Variants in LOXHD1 observed in about 807,000 individuals in gnomAD.
LOXHD1 encodes lipoxygenase homology domain-containing protein 1.
In LOXHD1, 205 loss-of-function variants were observed where a neutral mutation model predicts 248.2. The ratio of observed to expected loss-of-function variants is 0.83; its 90% CI spans 0.74 to 0.93. The LOEUF (loss-of-function observed/expected upper bound fraction) is 0.93. Among genes scored for constraint, LOXHD1 ranks in the 40% least tolerant of loss-of-function variants. The pLI, the probability that LOXHD1 is intolerant of heterozygous loss-of-function variation, is 0.00. For synonymous variants in LOXHD1, 1,113 were observed against 1,162.8 expected (o/e 0.96, Z 0.87); for missense variants, 2,930 against 2,971.6 (o/e 0.99, Z 0.33).
chr18:46,603,261 G>C (rs779036838), intron 7 of LOXHD1, among the ~76,000 whole-genome samples: 4 of 152,102 alleles, frequency 2.6e-5, no homozygotes, highest in Admixed American at 6.5e-5. Context: ...AGGATAGAGA[G>C]AGAGAAAGAG....
At chr18:46,650,742 G>A (rs1481992842) in intron 1 of LOXHD1, among the ~76,000 whole-genome samples, 4 of 152,224 alleles carry the variant, frequency 2.6e-5, no homozygotes, top group African/African-American at 9.7e-5. Flanking sequence ...AACGTGGAGT[G>A]TTGTGTGCTA....
intron 2 of LOXHD1, among the ~76,000 whole-genome samples, chr18:46,646,504 T>C (rs1296499821): frequency 6.6e-6 from 1 of 152,150 alleles, no homozygotes. Context: ...CTCGTCCTGC[T>C]CACTGTGCTC....
At chr18:46,490,890 T>C (rs1044484358) in intron 37 of LOXHD1, among the ~76,000 whole-genome samples, 2 of 152,260 alleles carry the variant, frequency 1.3e-5, no homozygotes, top group Non-Finnish European at 2.9e-5. Flanking sequence ...AGATGCTTCC[T>C]GATAGTGTCA....
intron 37 of LOXHD1, among the ~76,000 whole-genome samples, chr18:46,502,130 T>C (rs2034269647): frequency 6.6e-6 from 1 of 152,238 alleles, no homozygotes; most frequent in South Asian, 2.1e-4. Flanking sequence ...GCCTCATGTT[T>C]CTTCTATTAA....
intron 10 of LOXHD1, 58 bp from the exon 11 acceptor site, chr18:46,592,642 C>T: frequency 1.4e-6 from 2 of 1,400,086 alleles, no homozygotes; most frequent in Non-Finnish European, 2.0e-6. Context: ...TGTTTATTCT[C>T]ATAGCTGACC....
intron 37 of LOXHD1, among the ~76,000 whole-genome samples, chr18:46,505,094 C>T (rs2034475524): frequency 6.6e-6 from 1 of 152,158 alleles, no homozygotes; most frequent in African/African-American, 2.4e-5. Context: ...ATATATTTCT[C>T]ACTTGGTTTA....
chr18:46,480,357 T>C (rs1008716316), intron 40 of LOXHD1, among the ~76,000 whole-genome samples: 3 of 152,172 alleles, frequency 2.0e-5, no homozygotes, highest in African/African-American at 4.8e-5. Flanking sequence ...CACGTGTACA[T>C]AGACATATGG....
chr18:46,506,563 A>G (rs1176120770), intron 36 of LOXHD1, among the ~76,000 whole-genome samples: 1 of 152,238 alleles, frequency 6.6e-6, no homozygotes, highest in Non-Finnish European at 1.5e-5. Flanking sequence ...GTGGTTATCA[A>G]TGAATTTATT....
chr18:46,489,230 G>T, intron 37 of LOXHD1, 88 bp from the exon 38 acceptor site: 1 of 1,394,974 alleles, frequency 7.2e-7, no homozygotes, highest in Non-Finnish European at 9.9e-7. Context: ...CATTGGCTGT[G>T]TGGCCCTGGA....
In LOXHD1 at chr18:46,562,969, G is replaced by A. The variant is rs145344725; in HGVS notation, c.2598+96C>T. ...AACTGGAGGGAGGCAGCCCATTCTC[G>A]GGTGAGTATTGACTGAGGAAATTAG... On this transcript the variant is annotated intron_variant, in intron 18 of 40. Transcript: ENST00000642948. 6.9e-4 allele frequency: 952 copies of A among 1,375,870 alleles called. 13 individuals are homozygous for A. In the South Asian group the frequency reaches 0.012, roughly 17 times the overall value. The allele number at this position is 1,375,870 out of a possible 1,614,324, so 85.2% of individuals were successfully genotyped here.
chr18:46,617,963 C>A (rs1293172165), intron 5 of LOXHD1, among the ~76,000 whole-genome samples: 1 of 152,160 alleles, frequency 6.6e-6, no homozygotes, highest in Non-Finnish European at 1.5e-5. Context: ...AACCCACACA[C>A]CAGCCATACT....
chr18:46,529,840 C>A (rs1480840542), intron 28 of LOXHD1, among the ~76,000 whole-genome samples: 1 of 152,080 alleles, frequency 6.6e-6, no homozygotes, highest in Non-Finnish European at 1.5e-5. Flanking sequence ...TTCTCCAACC[C>A]ACTGCCACCC....
intron 4 of LOXHD1, among the ~76,000 whole-genome samples, chr18:46,625,595 T>TG (rs1187693316): frequency 2.0e-5 from 3 of 152,226 alleles, no homozygotes; most frequent in African/African-American, 4.8e-5. Context: ...ATGCAGCCTG[T>TG]GGGTGGTGGG....
chr18:46,575,905 GC>G, intron 14 of LOXHD1, among the ~76,000 whole-genome samples: 1 of 152,140 alleles, frequency 6.6e-6, no homozygotes, highest in East Asian at 1.9e-4. Context: ...AGTCTCCCTC[GC>G]CCTGCCGGAC....
chr18:46,519,523 G>T (rs1299294053), intron 33 of LOXHD1, among the ~76,000 whole-genome samples: 2 of 152,212 alleles, frequency 1.3e-5, no homozygotes, highest in African/African-American at 4.8e-5. Context: ...TGAGGGAATG[G>T]ATGAAGAGCC....
chr18:46,571,976 G>T, intron 15 of LOXHD1, 110 bp downstream of exon 15: 1 of 936,448 alleles, frequency 1.1e-6, no homozygotes, highest in Non-Finnish European at 1.7e-6. Context: ...CCTCCCCACT[G>T]CCACCTCTGT....
chr18:46,482,516 T>A (rs78606531), intron 40 of LOXHD1, among the ~76,000 whole-genome samples: 7,356 of 152,240 alleles, frequency 0.048, 258 homozygotes, highest in Non-Finnish European at 0.071. Flanking sequence ...AGAAATAGCT[T>A]TCTGTTGTTT....
rs898860417 is a variant in LOXHD1 at position 46,507,680 on chromosome 18, C to A, written c.5550G>T (p.Leu1850=). Residue 1850 remains leucine, a synonymous_variant, in exon 36 of 41, where the codon CTG becomes CTT. Coordinates refer to ENST00000642948, the MANE Select transcript of LOXHD1 (RefSeq NM_001384474.1). ...ILLKNMNTGD[L]TMFYYGDWLS... ...GCCAGTCTCCATAGTAGAACATGGTCAGGTCTCCAGTGTTCATGTTCTTCA... is the reference window on the plus strand; with the variant it reads ...GCCAGTCTCCATAGTAGAACATGGTAAGGTCTCCAGTGTTCATGTTCTTCA... The A allele has an allele frequency of 1.9e-6, 3 of 1,551,644 alleles. No individual in the cohort carries two copies. In the South Asian group the frequency reaches 3.6e-5, roughly 18 times the overall value.
chr18:46,485,983 C>T (rs994702194), intron 38 of LOXHD1, among the ~76,000 whole-genome samples: 2 of 152,016 alleles, frequency 1.3e-5, no homozygotes, highest in African/African-American at 2.4e-5. Flanking sequence ...CTCCCTCCCC[C>T]ACCCATAGTG....
Sources: allele counts gnomAD v4.1 joint callset (sites outside exome capture counted in the v4.1 genomes callset), GRCh38; gene constraint gnomAD v4.1.1; transcripts MANE v1.5; gene names NCBI Gene and HGNC (gene_info 2026-07-23, HGNC 2026-07-21).